Variants in RABGAP1 observed in about 807,000 individuals in gnomAD.
RABGAP1 encodes the protein rab GTPase-activating protein 1.
RABGAP1 carries 23 observed loss-of-function variants against 137.6 expected under a neutral mutation model. The observed-to-expected ratio is 0.17, with a 90% CI of 0.12 to 0.24. The LOEUF is 0.24. Among genes scored for constraint, RABGAP1 ranks in the 10% least tolerant of loss-of-function variants. The pLI, the probability that RABGAP1 is intolerant of heterozygous loss-of-function variation, is 1.00. For missense variants in RABGAP1, 906 were observed against 1,275.8 expected, an observed-to-expected ratio of 0.71 and a Z score of 4.42; for synonymous variants, 451 against 450.7, an observed-to-expected ratio of 1.00 and a Z score of -0.01.
intron 3 of RABGAP1, 99 bp downstream of exon 3, chr9:122,984,818 T>C: frequency 8.9e-7 from 1 of 1,118,862 alleles, no homozygotes; most frequent in Non-Finnish European, 1.3e-6. Context: ...GCAAAACCAT[T>C]GTCTACAAAA....
At chr9:123,065,584 G>T (rs1253482392) in intron 14 of RABGAP1, 123 bp downstream of exon 14, 2 of 773,294 alleles carry the variant, frequency 2.6e-6, no homozygotes, top group African/African-American at 3.5e-5. Context: ...AAAGAGAAAA[G>T]ACATTGCAAA....
At chr9:122,987,300 TAA>T (rs1176788519) in intron 4 of RABGAP1, among the ~76,000 whole-genome samples, 2 of 152,154 alleles carry the variant, frequency 1.3e-5, no homozygotes, top group Admixed American at 1.3e-4. Context: ...GCAGGTAAAA[TAA>T]ATTTTTTTTC....
At chr9:123,036,306 C>T (rs556254963) in intron 13 of RABGAP1, among the ~76,000 whole-genome samples, 1 of 152,274 alleles carries the variant, frequency 6.6e-6, no homozygotes, top group South Asian at 2.1e-4. Context: ...CTTTTTGTGC[C>T]ATGCTTCACA....
At chr9:123,097,037 C>T (rs1013941411) in intron 21 of RABGAP1, among the ~76,000 whole-genome samples, 1 of 152,212 alleles carries the variant, frequency 6.6e-6, no homozygotes, top group Non-Finnish European at 1.5e-5. Flanking sequence ...CAGAGACCCT[C>T]TGTATTTAGT....
chr9:123,026,373 A>AT (rs1296464050), intron 13 of RABGAP1, among the ~76,000 whole-genome samples: 1 of 152,064 alleles, frequency 6.6e-6, no homozygotes, highest in East Asian at 1.9e-4. Context: ...CCTGCTTTGG[A>AT]TTTTTTATTA....
At chr9:122,941,224 C>T (rs996528047) in intron 1 of RABGAP1, 131 bp downstream of exon 1, 8 of 152,330 alleles carry the variant, frequency 5.3e-5, no homozygotes, top group Admixed American at 4.6e-4. Flanking sequence ...GAGCTGCTCT[C>T]AGCTCCCTCG....
chr9:123,033,703 A>G lies in RABGAP1; in HGVS notation c.1794+13244A>G, dbSNP rs1223844103. On this transcript the variant is annotated intron_variant, in intron 13 of 25. Coordinates refer to ENST00000373647, the MANE Select transcript of RABGAP1 (RefSeq NM_012197.4). ...TTGCAAGGCTTTCTGCTAAGGATGTATTGTGGCTTTTGTTTGGATTGCAGC... is the reference window on the plus strand; with the variant it reads ...TTGCAAGGCTTTCTGCTAAGGATGTGTTGTGGCTTTTGTTTGGATTGCAGC... 3.9e-5 allele frequency: 6 copies of G among 152,094 alleles called. 1 individual carries two copies. Among genetic ancestry groups the G allele is most frequent in the African/African-American group, 1.4e-4 (6 of 41,386 alleles). 9.4% of individuals were successfully genotyped at this position (152,094 alleles called of 1,614,324 possible).
intron 1 of RABGAP1, among the ~76,000 whole-genome samples, chr9:122,942,691 C>CA (rs916270618): frequency 4.8e-5 from 4 of 83,914 alleles, no homozygotes; most frequent in Non-Finnish European, 8.9e-5. Context: ...AAAAAAAACA[C>CA]AAAAAAACAA....
chr9:123,074,473 A>G (rs780140856), intron 17 of RABGAP1, 45 bp downstream of exon 17: 49 of 1,536,642 alleles, frequency 3.2e-5, no homozygotes, highest in Non-Finnish European at 4.0e-5. Context: ...TTTGCAGTGT[A>G]CTTGAGGAGA....
intron 2 of RABGAP1, among the ~76,000 whole-genome samples, chr9:122,977,687 G>A (rs548190883): frequency 3.5e-4 from 54 of 152,224 alleles, no homozygotes; most frequent in Middle Eastern, 3.4e-3. Flanking sequence ...CAACCTGGGC[G>A]GCAGAATGAG....
chr9:123,077,835 A>T (rs700066), intron 19 of RABGAP1, among the ~76,000 whole-genome samples: 94,976 of 152,040 alleles, frequency 0.62, 36,810 homozygotes, highest in Non-Finnish European at 0.86. Flanking sequence ...TTGTAAAATA[A>T]TATTTTACTT....
chr9:122,954,464 A>C (rs1456712101), intron 1 of RABGAP1, among the ~76,000 whole-genome samples: 2 of 152,236 alleles, frequency 1.3e-5, no homozygotes, highest in African/African-American at 4.8e-5. Context: ...TCACCTTCTC[A>C]AAGAAAGTAG....
chr9:122,993,292 C>T (rs10818775), intron 6 of RABGAP1, among the ~76,000 whole-genome samples: 30,888 of 151,850 alleles, frequency 0.2, 4,316 homozygotes, highest in East Asian at 0.65. Context: ...TATTTTGAGA[C>T]GGAGTTTTTC....
chr9:123,033,191 T>C (rs1315278429), intron 13 of RABGAP1, among the ~76,000 whole-genome samples: 2 of 152,210 alleles, frequency 1.3e-5, no homozygotes, highest in Non-Finnish European at 2.9e-5. Flanking sequence ...AGCTGAATTA[T>C]GATTCTCAGT....
chr9:122,969,677 T>C (rs1432158863), intron 2 of RABGAP1, among the ~76,000 whole-genome samples: 1 of 152,170 alleles, frequency 6.6e-6, no homozygotes, highest in East Asian at 1.9e-4. Flanking sequence ...GAGCATCTTA[T>C]CTATCTTCCT....
rs1298563642 is a variant in RABGAP1 at position 122,990,797 on chromosome 9, ATATAT to A, written c.923+585_923+589del. ...AAAAAAAAAAAAAAAAAAAAAAAAA[ATATAT>A]ATATATATATATATATATATATATA... On this transcript the variant is annotated intron_variant, in intron 6 of 25. Coordinates refer to ENST00000373647, the MANE Select transcript of RABGAP1 (RefSeq NM_012197.4). 3.1e-3 allele frequency: 98 copies of A among 31,766 alleles called. 1 individual carries two copies. Among genetic ancestry groups the A allele is most frequent in the East Asian group, 0.022 (12 of 558 alleles). The allele number at this position is 31,766 out of a possible 1,614,324, so 2.0% of individuals were successfully genotyped here.
At position 122,941,050 on chromosome 9, in the gene RABGAP1, G is replaced by C. The variant is rs982863922; in HGVS notation, c.-93G>C. On this transcript the variant is annotated 5_prime_UTR_variant, in exon 1 of 26. Transcript: ENST00000373647. ...GGGAGGCCCAGGCGGCGGAGCCTCCGGGACGGCGAGCGGCGGGCGGCGGAG... is the reference window on the plus strand; with the variant it reads ...GGGAGGCCCAGGCGGCGGAGCCTCCCGGACGGCGAGCGGCGGGCGGCGGAG... 1 of 153,284 alleles carries C rather than the reference G, an allele frequency of 6.5e-6. No homozygotes were observed. The highest frequency in any genetic ancestry group is 1.4e-5 in the Non-Finnish European group (1 of 68,990). 9.5% of individuals were successfully genotyped at this position (153,284 alleles called of 1,614,324 possible).
chr9:122,952,383 C>T (rs1264592354), intron 1 of RABGAP1, among the ~76,000 whole-genome samples: 10 of 151,986 alleles, frequency 6.6e-5, no homozygotes, highest in East Asian at 5.8e-4. Context: ...CTCAGCCTCC[C>T]GAGTAGCTGG....
intron 2 of RABGAP1, among the ~76,000 whole-genome samples, chr9:122,958,211 C>T (rs1179470536): frequency 6.6e-6 from 1 of 152,156 alleles, no homozygotes; most frequent in African/African-American, 2.4e-5. Flanking sequence ...AGTCCTGGAA[C>T]CATCTGGCCA....
Sources: allele counts gnomAD v4.1 joint callset (sites outside exome capture counted in the v4.1 genomes callset), GRCh38; gene constraint gnomAD v4.1.1; transcripts MANE v1.5; gene names NCBI Gene and HGNC (gene_info 2026-07-23, HGNC 2026-07-21).